LRRC36: variants seen among roughly 807,000 people sequenced by gnomAD.
The protein encoded by LRRC36 is leucine rich repeat containing 36.
A neutral mutation model predicts 81.1 loss-of-function variants in LRRC36; 62 were observed. The observed-to-expected ratio is 0.76, with a 90% CI of 0.62 to 0.94. The LOEUF is 0.94. Among genes scored for constraint, LRRC36 ranks in the 40% least tolerant of loss-of-function variants. LRRC36 has a pLI of 0.00. For synonymous variants in LRRC36, 334 were observed against 348.6 expected (o/e 0.96, Z 0.47); for missense variants, 761 against 881.7 (o/e 0.86, Z 1.73).
intron 1 of LRRC36, among the ~76,000 whole-genome samples, chr16:67,334,262 G>A (rs3859074): frequency 0.084 from 12,689 of 151,590 alleles, 1,751 homozygotes; most frequent in African/African-American, 0.29. Context: ...CTCGTGATCC[G>A]CCCGCCTCGG....
intron 9 of LRRC36, among the ~76,000 whole-genome samples, chr16:67,373,814 C>T (rs1298149752): frequency 4.6e-5 from 7 of 150,998 alleles, no homozygotes; most frequent in Non-Finnish European, 7.4e-5. Context: ...GAGTTTTTGA[C>T]CAGCCTGGCC....
intron 8 of LRRC36, among the ~76,000 whole-genome samples, chr16:67,369,147 A>T (rs75138154): frequency 3.0e-4 from 46 of 152,334 alleles, no homozygotes; most frequent in African/African-American, 1.1e-3. Flanking sequence ...TGTATGGGTG[A>T]CAGTAAAACT....
intron 7 of LRRC36, among the ~76,000 whole-genome samples, chr16:67,366,568 G>A (rs1254540293): frequency 6.6e-6 from 1 of 152,006 alleles, no homozygotes; most frequent in African/African-American, 2.4e-5. Context: ...TGGCCAACAC[G>A]GTGAAACCCC....
At chr16:67,368,998 C>G (rs1225642441) in intron 8 of LRRC36, among the ~76,000 whole-genome samples, 1 of 152,090 alleles carries the variant, frequency 6.6e-6, no homozygotes, top group Non-Finnish European at 1.5e-5. Flanking sequence ...AGATAAATAT[C>G]AAGAGTTGGG....
intron 12 of LRRC36, among the ~76,000 whole-genome samples, chr16:67,380,002 G>T (rs569860662): frequency 1.3e-5 from 2 of 151,802 alleles, no homozygotes; most frequent in Non-Finnish European, 2.9e-5. Context: ...ATAATATTTA[G>T]AATAAAATGA....
chr16:67,328,823 C>T (rs1284903616), intron 1 of LRRC36, among the ~76,000 whole-genome samples: 1 of 150,888 alleles, frequency 6.6e-6, no homozygotes. Context: ...CCTCCACCCA[C>T]CTCCAACCCC....
At chr16:67,360,598 T>C (rs1453570817) in intron 5 of LRRC36, among the ~76,000 whole-genome samples, 1 of 152,228 alleles carries the variant, frequency 6.6e-6, no homozygotes, top group African/African-American at 2.4e-5. Flanking sequence ...AAAAGGTTGA[T>C]AGCTCATGTC....
chr16:67,367,483 G>T, intron 8 of LRRC36, 26 bp downstream of exon 8: 1 of 1,578,974 alleles, frequency 6.3e-7, no homozygotes, highest in Non-Finnish European at 8.6e-7. Flanking sequence ...CAGTTTACAG[G>T]TCTTCTTCAT....
At chr16:67,350,366 A>G (rs2038569595) in intron 5 of LRRC36, 76 bp downstream of exon 5, 1 of 1,164,570 alleles carries the variant, frequency 8.6e-7, no homozygotes, top group East Asian at 2.3e-5. Context: ...ATTGGGTAAG[A>G]TGAAGACACA....
chr16:67,360,082 G>A (rs1253448823), intron 5 of LRRC36, among the ~76,000 whole-genome samples: 1 of 151,056 alleles, frequency 6.6e-6, no homozygotes, highest in Non-Finnish European at 1.5e-5. Flanking sequence ...CCGAGATTGC[G>A]CCATTGCACT....
At chr16:67,337,657 G>T (rs1490671894) in intron 1 of LRRC36, among the ~76,000 whole-genome samples, 1 of 151,820 alleles carries the variant, frequency 6.6e-6, no homozygotes, top group Admixed American at 6.6e-5. Context: ...ACCACACTCG[G>T]CCTAATTTTT....
intron 1 of LRRC36, among the ~76,000 whole-genome samples, chr16:67,329,240 A>T (rs964462801): frequency 2.4e-4 from 36 of 152,116 alleles, no homozygotes; most frequent in Admixed American, 4.6e-4. Flanking sequence ...AGATTACTTT[A>T]AAAAAAAGTC....
intron 5 of LRRC36, 77 bp downstream of exon 5, chr16:67,350,367 T>C (rs1192953032): frequency 1.2e-5 from 14 of 1,166,754 alleles, no homozygotes; most frequent in Non-Finnish European, 1.8e-5. Flanking sequence ...TTGGGTAAGA[T>C]GAAGACACAT....
At chr16:67,367,511 A>G in intron 8 of LRRC36, 54 bp downstream of exon 8, 3 of 1,486,172 alleles carry the variant, frequency 2.0e-6, no homozygotes, top group Non-Finnish European at 2.7e-6. Flanking sequence ...AAGATAGAAG[A>G]TATAAGTGAA....
chr16:67,349,144 TTA>T (rs1467453900), intron 4 of LRRC36, among the ~76,000 whole-genome samples: 1 of 152,176 alleles, frequency 6.6e-6, no homozygotes, highest in East Asian at 1.9e-4. Flanking sequence ...AATACAGAGA[TTA>T]ATTAATGTGT....
chr16:67,378,852 C>A, intron 12 of LRRC36, 140 bp downstream of exon 12: 2 of 852,878 alleles, frequency 2.3e-6, no homozygotes, highest in Non-Finnish European at 3.6e-6. Flanking sequence ...TGGCAGTTAA[C>A]AGAAACAATC....
At chr16:67,368,036 A>G (rs1567494024) in intron 8 of LRRC36, among the ~76,000 whole-genome samples, 1 of 152,208 alleles carries the variant, frequency 6.6e-6, no homozygotes, top group South Asian at 2.1e-4. Context: ...TCCATGGGCA[A>G]CAGAGCAAGA....
chr16:67,367,328 A>C lies in LRRC36; in HGVS notation c.1066A>C (p.Asn356His), dbSNP rs2039444209. ...TGGTAAAAGGCCTCAGAGAAGCAAG[A>C]ACTATCAAGAGTATAGCATAAAGCC... Reference protein sequence around the residue: ...SLGKRPQRSKNYQEYSIKPSN... With the variant: ...SLGKRPQRSKHYQEYSIKPSN... Residue 356 changes from asparagine to histidine, a missense_variant, in exon 8 of 14, where the codon AAC becomes CAC. This residue lies in a region of LRRC36 where 139 missense variants were observed against 214.0 expected (regional missense o/e 0.65). Coordinates refer to ENST00000329956, the MANE Select transcript of LRRC36 (RefSeq NM_018296.6). 3 of 1,614,132 alleles carry C rather than the reference A, an allele frequency of 1.9e-6. No homozygotes were observed. The highest frequency in any genetic ancestry group is 2.2e-5 in the South Asian group (2 of 91,076).
At position 67,346,360 on chromosome 16, in the gene LRRC36, A is replaced by G. The variant is rs770882168; in HGVS notation, c.303A>G (p.Glu101=). The change falls in exon 3 of 14, where the codon GAA becomes GAG. Residue 101 remains glutamate (E), a synonymous_variant. Transcript: ENST00000329956. ...TACAACCGTTACCCTTCCTCAAAGA[A>G]CTGGATTTGAGACTTAATCCTGTTG... ...SRLQPLPFLK[E]LDLRLNPVVR... is the part of the protein sequence containing the mutation. 6.2e-7 allele frequency: 1 copy of G among 1,612,508 alleles called. No individual in the cohort carries two copies. Among genetic ancestry groups the G allele is most frequent in the Non-Finnish European group, 8.5e-7 (1 of 1,178,650 alleles).
Sources: allele counts gnomAD v4.1 joint callset (sites outside exome capture counted in the v4.1 genomes callset), GRCh38; gene constraint gnomAD v4.1.1; regional missense constraint gnomAD v4.1.1; transcripts MANE v1.5; gene names NCBI Gene and HGNC (gene_info 2026-07-23, HGNC 2026-07-21).